The following ANK1 variants were observed in gnomAD, a reference collection of about 807,000 sequenced individuals.
The protein encoded by ANK1 is ankyrin-1.
In ANK1, 51 loss-of-function variants were observed where a neutral mutation model predicts 210.4. That is an observed-to-expected ratio of 0.24 (90% CI 0.19 to 0.31). The LOEUF is 0.31. Among genes scored for constraint, ANK1 ranks in the 10% least tolerant of loss-of-function variants. The pLI, the probability that ANK1 is intolerant of heterozygous loss-of-function variation, is 1.00. For missense variants in ANK1, 2,051 were observed against 2,504.4 expected, an observed-to-expected ratio of 0.82 and a Z score of 3.86; for synonymous variants, 967 against 1,025.9, an observed-to-expected ratio of 0.94 and a Z score of 1.10.
rs1822073270 is a variant in ANK1 at position 41,699,495 on chromosome 8, C to T, written c.2515G>A (p.Glu839Lys). 6.2e-7 allele frequency: 1 copy of T among 1,614,020 alleles called. No individual in the cohort carries two copies. The highest frequency in any genetic ancestry group is 8.5e-7 in the Non-Finnish European group (1 of 1,180,040). Reference protein sequence around the residue: ...AERRDSRDVDEEKELLDFVPK... With the variant: ...AERRDSRDVDKEKELLDFVPK... ...ACAAAATCCAGCAGCTCCTTCTCTT[C>T]ATCAACATCCCTGGAATCCCGCCTC... The change falls in exon 23 of 43, where the codon GAA becomes AAA. Residue 839 changes from glutamate (E) to lysine (K), a missense_variant. Physicochemically the swap from Glu to Lys is moderately conservative, Grantham distance 56. Transcript: ENST00000289734.
At chr8:41,883,033 G>T (rs780177842) in intron 1 of ANK1, among the ~76,000 whole-genome samples, 14 of 152,226 alleles carry the variant, frequency 9.2e-5, no homozygotes, top group Non-Finnish European at 1.9e-4. Context: ...TCAGCCAGAG[G>T]TTTATAGAGT....
chr8:41,721,323 G>A (rs1452063979), intron 9 of ANK1, among the ~76,000 whole-genome samples: 4 of 152,036 alleles, frequency 2.6e-5, no homozygotes, highest in South Asian at 2.1e-4. Context: ...CCAGAAGCTC[G>A]GGGAGAGACC....
At chr8:41,759,796 C>G (rs1236505945) in intron 1 of ANK1, among the ~76,000 whole-genome samples, 1 of 152,108 alleles carries the variant, frequency 6.6e-6, no homozygotes, top group African/African-American at 2.4e-5. Context: ...GCATTTTATC[C>G]TCATTTGGAA....
At chr8:41,880,011 C>T (rs1817300129) in intron 1 of ANK1, among the ~76,000 whole-genome samples, 1 of 152,328 alleles carries the variant, frequency 6.6e-6, no homozygotes, top group South Asian at 2.1e-4. Context: ...GAACAACAAG[C>T]ATTTAACCCA....
At chr8:41,811,123 G>C (rs1305950614) in intron 1 of ANK1, among the ~76,000 whole-genome samples, 2 of 152,176 alleles carry the variant, frequency 1.3e-5, no homozygotes, top group East Asian at 3.9e-4. Flanking sequence ...ACAATTTATA[G>C]AAAAACAAGC....
At chr8:41,802,952 G>GT in intron 1 of ANK1, among the ~76,000 whole-genome samples, 1 of 52,580 alleles carries the variant, frequency 1.9e-5, no homozygotes, top group East Asian at 3.9e-4. Flanking sequence ...AGAGAAAGGG[G>GT]GGGGGGGAGA....
rs768116652 is a variant in ANK1, at chr8:41,797,532, A to G, written c.7T>C (p.Tyr3His). 4.2e-5 allele frequency: 68 copies of G among 1,613,634 alleles called. No individual in the cohort carries two copies. In the Middle Eastern group the frequency reaches 8.3e-4, roughly 20 times the overall value. Residue 3 changes from tyrosine to histidine, a missense_variant, in exon 1 of 43, where the codon TAT (tyrosine) becomes CAT (histidine). Transcript: ENST00000289734. This position sits in a 1 kb window ranked among gnomAD's most constrained non-coding sequence, Gnocchi z 4.0. MP[Y>H]SVGFREADAA... ...CTCACTTCGCGGAAGCCCACAGAAT[A>G]GGGCATGCCGGTCTTTCAGCAGGGG... is the stretch of plus-strand genomic sequence containing the variant.
intron 26 of ANK1, 67 bp from the exon 27 acceptor site, chr8:41,695,398 G>A (rs552390658): frequency 9.4e-6 from 15 of 1,599,646 alleles, no homozygotes; most frequent in Middle Eastern, 1.9e-4. Flanking sequence ...AGGGAGGGAT[G>A]GGGCTGCCGG....
rs575775245 is a variant in ANK1, at chr8:41,657,933, G to A, written c.*37-2180C>T. On this transcript the variant is annotated intron_variant, in intron 42 of 42. Coordinates refer to ENST00000289734, the MANE Select transcript of ANK1 (RefSeq NM_000037.4). ...GTCTTGCCCTGTTGCCCAGGCTAGC[G>A]TGCAGTGGTATAATCATAGCTCACT... Among the ~76,000 whole-genome samples, 15 of 152,238 alleles carry A rather than the reference G, an allele frequency of 9.9e-5. No individual in the cohort carries two copies. In the East Asian group the frequency reaches 1.2e-3, roughly 12 times the overall value.
In ANK1 at chr8:41,672,580, CG is replaced by C. The variant is rs1812758580; in HGVS notation, c.4869del (p.Asp1623GlufsTer67). ...PELGSLELVE[D>X]DTVDSDATNG... ...TTTGTGGCATCTGAATCCACTGTGT[CG>C]TCCTCCACAAGTTCCAGAGAGCCCA... is the stretch of plus-strand genomic sequence containing the variant. On this transcript the variant is annotated frameshift_variant, in exon 38 of 43. Coordinates refer to ENST00000289734, the MANE Select transcript of ANK1 (RefSeq NM_000037.4). LOFTEE classifies it high-confidence loss of function. The C allele has an allele frequency of 2.1e-5, 34 of 1,614,106 alleles. No homozygotes were observed. The highest frequency in any genetic ancestry group is 2.5e-5 in the Non-Finnish European group (30 of 1,180,052).
intron 1 of ANK1, among the ~76,000 whole-genome samples, chr8:41,835,586 G>A (rs549552621): frequency 6.6e-6 from 1 of 152,342 alleles, no homozygotes; most frequent in African/African-American, 2.4e-5. Context: ...TTGAGGGGGC[G>A]AGGGGAGGAG....
intron 2 of ANK1, among the ~76,000 whole-genome samples, chr8:41,745,288 T>C (rs1835830165): frequency 6.6e-6 from 1 of 152,166 alleles, no homozygotes; most frequent in Admixed American, 6.5e-5. Flanking sequence ...AGTGTTGATT[T>C]CCAGATTGGC....
intron 1 of ANK1, among the ~76,000 whole-genome samples, chr8:41,867,509 C>A (rs1189541120): frequency 6.6e-5 from 10 of 152,196 alleles, no homozygotes; most frequent in Non-Finnish European, 1.5e-4. Context: ...GTGATGTCCA[C>A]TCCAGCCACA....
intron 1 of ANK1, chr8:41,839,980 G>C (rs1041483496): frequency 6.6e-6 from 1 of 152,056 alleles, no homozygotes; most frequent in Non-Finnish European, 1.5e-5. Context: ...GCTTATGGGA[G>C]CTCTCTGTAC....
intron 1 of ANK1, among the ~76,000 whole-genome samples, chr8:41,760,764 A>G (rs1258933181): frequency 1.3e-5 from 2 of 152,190 alleles, no homozygotes; most frequent in Non-Finnish European, 2.9e-5. Context: ...ATAGTTGCAT[A>G]CAAGGCTGAG....
At chr8:41,800,750 G>A (rs183586764), upstream of ANK1, among the ~76,000 whole-genome samples, 101 of 152,118 alleles carry the variant, frequency 6.6e-4, no homozygotes, top group Admixed American at 2.6e-3. Context: ...TTTTTGAGAC[G>A]GCATCTCGCT....
At chr8:41,664,729 C>T (rs559977035) in intron 39 of ANK1, 350 of 1,435,828 alleles carry the variant, frequency 2.4e-4, no homozygotes, top group Non-Finnish European at 2.9e-4. Flanking sequence ...CCGGAGCTCC[C>T]CACAGCAGCG....
chr8:41,723,771 T>TTTTA, intron 7 of ANK1, 138 bp from the exon 8 acceptor site: 2 of 545,238 alleles, frequency 3.7e-6, no homozygotes, highest in Non-Finnish European at 6.2e-6. Flanking sequence ...GCCTAAGATA[T>TTTTA]TTTATTTTTT....
chr8:41,848,279 G>A (rs1186769728), intron 1 of ANK1, among the ~76,000 whole-genome samples: 22 of 152,166 alleles, frequency 1.4e-4, no homozygotes, highest in Admixed American at 1.4e-3. Context: ...ACATTCCTCT[G>A]CATAAAACAC....
Sources: allele counts gnomAD v4.1 joint callset (sites outside exome capture counted in the v4.1 genomes callset), GRCh38; gene constraint gnomAD v4.1.1; non-coding constraint Gnocchi (gnomAD v3.1); transcripts MANE v1.5; gene names NCBI Gene and HGNC (gene_info 2026-07-23, HGNC 2026-07-21).